IQSEC3: variants seen among roughly 807,000 people sequenced by gnomAD.
IQSEC3 encodes IQ motif and SEC7 domain-containing protein 3.
A neutral mutation model predicts 105.4 loss-of-function variants in IQSEC3; 50 were observed. The observed-to-expected ratio is 0.47, with a 90% CI of 0.38 to 0.60. The LOEUF is 0.60. IQSEC3 is among the 20% of genes least tolerant of loss of function. IQSEC3 has a pLI of 0.00. For missense variants in IQSEC3, 1,415 were observed against 1,630.0 expected (o/e 0.87, Z 2.27); for synonymous variants, 708 against 746.0 (o/e 0.95, Z 0.83).
At chr12:129,869 T>G (rs890968719) in intron 3 of IQSEC3, among the ~76,000 whole-genome samples, 3 of 152,158 alleles carry the variant, frequency 2.0e-5, no homozygotes, top group Non-Finnish European at 4.4e-5. Flanking sequence ...AGCCTCACTA[T>G]GGGGCACCTC....
chr12:141,467 C>G, intron 5 of IQSEC3, 182 bp downstream of exon 5: 1 of 607,370 alleles, frequency 1.6e-6, no homozygotes, highest in Non-Finnish European at 2.8e-6. Context: ...AGCCCTGTCT[C>G]CCGTCAGAGT....
intron 3 of IQSEC3, among the ~76,000 whole-genome samples, chr12:136,125 GA>G (rs1375188796): frequency 6.6e-6 from 1 of 152,204 alleles, no homozygotes; most frequent in Non-Finnish European, 1.5e-5. Context: ...TGTCCCTCAT[GA>G]AATGCAAGTA....
intron 1 of IQSEC3, among the ~76,000 whole-genome samples, chr12:85,321 G>A (rs1269032666): frequency 1.4e-4 from 22 of 152,356 alleles, no homozygotes; most frequent in Admixed American, 1.3e-3. Context: ...TTTCAAGCTG[G>A]CTTTGCCTAG....
At chr12:154,642 C>T (rs1205165444) in intron 5 of IQSEC3, among the ~76,000 whole-genome samples, 2 of 152,112 alleles carry the variant, frequency 1.3e-5, no homozygotes, top group Non-Finnish European at 1.5e-5. Context: ...GGCATCTGGC[C>T]GCTCCATGCC....
At chr12:123,450 T>A (rs1327885011) in intron 2 of IQSEC3, among the ~76,000 whole-genome samples, 2 of 151,936 alleles carry the variant, frequency 1.3e-5, no homozygotes, top group African/African-American at 4.8e-5. Context: ...AATAAATAAA[T>A]AATAATTTTA....
chr12:123,362 T>A (rs1386871509), intron 2 of IQSEC3, among the ~76,000 whole-genome samples: 4 of 152,032 alleles, frequency 2.6e-5, no homozygotes, highest in African/African-American at 9.7e-5. Context: ...GATTGCTTGA[T>A]CCCAGGAGGT....
rs572769299 is a variant in IQSEC3 at position 141,159 on chromosome 12, G to A, written c.2027G>A (p.Arg676His). The change falls in exon 5 of 14, where the codon CGC (arginine) becomes CAC (histidine). Residue 676 changes from arginine to histidine, a missense_variant. Around this residue, in one of 6 missense-constraint regions of IQSEC3, gnomAD observed 213 missense variants for 306.2 expected, o/e 0.70. Coordinates refer to ENST00000538872, the MANE Select transcript of IQSEC3 (RefSeq NM_001170738.2). ...PDKGIQFLIS[R>H]GFIPDTPIGV... ...AAGGGCATCCAGTTCCTGATCTCAC[G>A]CGGCTTCATCCCGGACACCCCCATC... 152 of 1,538,662 alleles carry A rather than the reference G, an allele frequency of 9.9e-5. No individual in the cohort carries two copies. The highest frequency in any genetic ancestry group is 9.6e-4 in the South Asian group (85 of 88,938).
chr12:158,494 G>T (rs550499332), intron 7 of IQSEC3, among the ~76,000 whole-genome samples: 1 of 152,216 alleles, frequency 6.6e-6, no homozygotes, highest in South Asian at 2.1e-4. Flanking sequence ...TCCTGATCTG[G>T]ATCATTTTCA....
intron 1 of IQSEC3, among the ~76,000 whole-genome samples, chr12:86,559 A>G (rs1316948254): frequency 1.3e-5 from 2 of 152,228 alleles, no homozygotes; most frequent in Admixed American, 6.5e-5. Flanking sequence ...TCCATATCCT[A>G]TTTTATGAGT....
intron 2 of IQSEC3, among the ~76,000 whole-genome samples, chr12:101,230 C>T (rs529615256): frequency 9.2e-5 from 14 of 152,298 alleles, no homozygotes; most frequent in Non-Finnish European, 1.8e-4. Flanking sequence ...GTCGTGCCCA[C>T]CTGCAGCCCT....
intron 2 of IQSEC3, chr12:111,734 T>C (rs1555079601): frequency 6.6e-6 from 1 of 152,210 alleles, no homozygotes; most frequent in Non-Finnish European, 1.5e-5. Context: ...CTGAGACACC[T>C]GGACAGAGTG....
At chr12:89,347 T>C (rs1555072837) in intron 1 of IQSEC3, among the ~76,000 whole-genome samples, 1 of 152,078 alleles carries the variant, frequency 6.6e-6, no homozygotes, top group Admixed American at 6.5e-5. Flanking sequence ...CTGGGGGCAA[T>C]GGGTGGAGGG....
At chr12:90,545 G>A (rs947923327) in intron 1 of IQSEC3, among the ~76,000 whole-genome samples, 4 of 152,032 alleles carry the variant, frequency 2.6e-5, no homozygotes, top group Non-Finnish European at 5.9e-5. Flanking sequence ...TTTGCATCTG[G>A]ATATCCAGTT....
chr12:76,129 CACAA>C (rs1176291299), intron 1 of IQSEC3, among the ~76,000 whole-genome samples: 15 of 146,810 alleles, frequency 1.0e-4, no homozygotes, highest in African/African-American at 3.0e-4. Context: ...CACACACACA[CACAA>C]GGCCTCAGCA....
At chr12:127,736 C>T (rs1217176623) in intron 3 of IQSEC3, among the ~76,000 whole-genome samples, 1 of 152,038 alleles carries the variant, frequency 6.6e-6, no homozygotes, top group Non-Finnish European at 1.5e-5. Flanking sequence ...TTGTTTTTTT[C>T]TTGTAAATTT....
Position 138,825 on chromosome 12 carries a change from G to A in IQSEC3, c.1462G>A (p.Val488Ile). ...GACCCTCATGATGGCTTTCCGGGACGTCACGGTGCAGATCGCCAACCAGAA... is the reference window on the plus strand; with the variant it reads ...GACCCTCATGATGGCTTTCCGGGACATCACGGTGCAGATCGCCAACCAGAA... ...SGTLMMAFRD[V>I]TVQIANQNIS... The change falls in exon 4 of 14, where the codon GTC becomes ATC. Residue 488 changes from valine (V) to isoleucine (I), a missense_variant. Val to Ile is a conservative substitution (Grantham distance 29). This residue lies in a region of IQSEC3 where 720 missense variants were observed against 633.0 expected (regional missense o/e 1.14). Coordinates refer to ENST00000538872, the MANE Select transcript of IQSEC3 (RefSeq NM_001170738.2). This position sits in a 1 kb window ranked among gnomAD's most constrained non-coding sequence, Gnocchi z 7.1. 3 of 1,611,232 alleles carry A rather than the reference G, an allele frequency of 1.9e-6. No individual in the cohort carries two copies. The highest frequency in any genetic ancestry group is 2.5e-6 in the Non-Finnish European group (3 of 1,179,228).
At chr12:158,592 G>T (rs1386773555) in intron 7 of IQSEC3, among the ~76,000 whole-genome samples, 2 of 152,164 alleles carry the variant, frequency 1.3e-5, no homozygotes, top group Non-Finnish European at 2.9e-5. Flanking sequence ...ACCATTTGAC[G>T]AGTCCTGCCA....
chr12:126,546 T>G lies in IQSEC3; in HGVS notation c.903+634T>G, dbSNP rs1215852178. On this transcript the variant is annotated intron_variant, in intron 3 of 13. Transcript: ENST00000538872. ...GGCAGACAAGAGTCTTGATGGAAGG[T>G]GTGTGTGTGTGTGTGTGTGTGTGTG... Among the ~76,000 whole-genome samples, 7 of 143,256 alleles carry G rather than the reference T, an allele frequency of 4.9e-5. No individual in the cohort carries two copies. In the South Asian group the frequency reaches 6.6e-4, roughly 14 times the overall value. 94.0% of individuals were successfully genotyped at this position (143,256 alleles called of 152,430 possible). A position where few individuals can be genotyped will look rare whatever the true frequency, so the allele number is the denominator to read the frequency against.
intron 1 of IQSEC3, among the ~76,000 whole-genome samples, chr12:87,971 G>C (rs886798742): frequency 6.6e-6 from 1 of 152,198 alleles, no homozygotes; most frequent in Non-Finnish European, 1.5e-5. Flanking sequence ...ATTCCCGCAG[G>C]CTTCACCGAA....
Sources: gnomAD v4.1 joint callset for allele counts (sites outside exome capture counted in the v4.1 genomes callset) on GRCh38, gnomAD v4.1.1 for gene constraint, gnomAD v4.1.1 regional missense constraint, Gnocchi (gnomAD v3.1) non-coding constraint, MANE v1.5 for transcripts, NCBI Gene and HGNC (gene_info 2026-07-23, HGNC 2026-07-21) for gene names.